Variants in ACACA observed in about 807,000 individuals in gnomAD.
ACACA encodes the protein acetyl-CoA carboxylase 1.
Under a neutral mutation model 296.1 loss-of-function variants are expected in ACACA, and 103 were observed. The ratio of observed to expected loss-of-function variants is 0.35; its 90% CI spans 0.30 to 0.41. The LOEUF (loss-of-function observed/expected upper bound fraction) is 0.41, where lower values mean the gene tolerates loss of function less well. Among genes scored for constraint, ACACA ranks in the 10% least tolerant of loss-of-function variants. The pLI is 1.00. For synonymous variants in ACACA, 953 were observed against 1,038.6 expected (o/e 0.92, Z 1.58); for missense variants, 1,554 against 2,989.7 (o/e 0.52, Z 11.20).
At chr17:37,375,886 A>G (rs2049982148) in intron 1 of ACACA, 1 of 487,846 alleles carries the variant, frequency 2.0e-6, no homozygotes. Flanking sequence ...TGAGTGAATT[A>G]TTAATAAGCA....
chr17:37,217,389 T>C (rs2079056412), intron 29 of ACACA, among the ~76,000 whole-genome samples: 1 of 151,490 alleles, frequency 6.6e-6, no homozygotes, highest in South Asian at 2.1e-4. Context: ...TTTGTCTACT[T>C]CAAAAACACC....
intron 1 of ACACA, among the ~76,000 whole-genome samples, chr17:37,362,291 G>A (rs1014627622): frequency 6.6e-6 from 1 of 152,252 alleles, no homozygotes; most frequent in East Asian, 1.9e-4. Context: ...GACTTCCAGG[G>A]TTTTCAAGGT....
At position 37,085,657 on chromosome 17, in the gene ACACA, C is replaced by T; in HGVS notation, c.*1659G>A. 1 of 399,188 alleles carries T rather than the reference C, an allele frequency of 2.5e-6. No individual in the cohort carries two copies. Among genetic ancestry groups the T allele is most frequent in the Non-Finnish European group, 4.4e-6 (1 of 226,216 alleles). 24.7% of individuals were successfully genotyped at this position (399,188 alleles called of 1,614,324 possible). On this transcript the variant is annotated 3_prime_UTR_variant, in exon 56 of 56. Transcript: ENST00000616317. ...CCACCAGGGCAGCCGGGCTGAGGCT[C>T]TGACTCCTGGGGGCTGTCCGCTCCA...
chr17:37,119,206 C>G (rs1279720571), intron 50 of ACACA, among the ~76,000 whole-genome samples: 6 of 152,148 alleles, frequency 3.9e-5, no homozygotes, highest in African/African-American at 1.4e-4. Context: ...CTTTGATATA[C>G]TACTACCATC....
chr17:37,210,342 G>C, intron 30 of ACACA, 125 bp downstream of exon 30: 1 of 848,654 alleles, frequency 1.2e-6, no homozygotes, highest in East Asian at 2.5e-5. Context: ...CCAAAGGGGA[G>C]CTCAGGACTC....
chr17:37,371,239 C>T (rs1277607660), intron 1 of ACACA, among the ~76,000 whole-genome samples: 1 of 151,694 alleles, frequency 6.6e-6, no homozygotes, highest in Non-Finnish European at 1.5e-5. Context: ...GCCACCATGC[C>T]TGGCTAATTT....
chr17:37,305,480 T>C (rs188615705), intron 3 of ACACA, among the ~76,000 whole-genome samples: 136 of 152,368 alleles, frequency 8.9e-4, no homozygotes, highest in African/African-American at 3.1e-3. Flanking sequence ...AAGGCTTTTA[T>C]CCTCTGTTTA....
intron 3 of ACACA, among the ~76,000 whole-genome samples, chr17:37,311,469 G>A (rs1433599871): frequency 6.6e-6 from 1 of 151,956 alleles, no homozygotes; most frequent in African/African-American, 2.4e-5. Flanking sequence ...AAGAAAAAAT[G>A]AGAAGGAGAA....
intron 1 of ACACA, among the ~76,000 whole-genome samples, chr17:37,405,564 CTTTTT>C (rs1228773911): frequency 1.3e-4 from 19 of 151,942 alleles, no homozygotes; most frequent in Non-Finnish European, 2.8e-4. Flanking sequence ...CTTTTCTTTT[CTTTTT>C]GAGACAGAGT....
chr17:37,396,493 T>A (rs1363035557), intron 1 of ACACA, among the ~76,000 whole-genome samples: 1 of 152,122 alleles, frequency 6.6e-6, no homozygotes, highest in Non-Finnish European at 1.5e-5. Flanking sequence ...GCCATTAACA[T>A]CCTTCCTTTT....
chr17:37,236,241 G>C (rs1021952461), intron 24 of ACACA, among the ~76,000 whole-genome samples: 1 of 151,988 alleles, frequency 6.6e-6, no homozygotes, highest in African/African-American at 2.4e-5. Context: ...AATTATATTT[G>C]AAAAACAATG....
intron 3 of ACACA, among the ~76,000 whole-genome samples, chr17:37,305,766 G>A (rs2083845206): frequency 6.6e-6 from 1 of 152,146 alleles, no homozygotes; most frequent in African/African-American, 2.4e-5. Flanking sequence ...CAGCATCAAA[G>A]CAGCTGGTCT....
intron 3 of ACACA, among the ~76,000 whole-genome samples, chr17:37,288,788 A>T (rs372553741): frequency 1.3e-5 from 2 of 152,066 alleles, no homozygotes; most frequent in Non-Finnish European, 2.9e-5. Context: ...AGTCCCAGCT[A>T]CTTAGGAGGC....
intron 24 of ACACA, among the ~76,000 whole-genome samples, chr17:37,239,667 A>G (rs867591085): frequency 5.9e-4 from 90 of 152,184 alleles, no homozygotes; most frequent in African/African-American, 2.1e-3. Flanking sequence ...ATTTCATGAT[A>G]AATTATATTA....
intron 2 of ACACA, among the ~76,000 whole-genome samples, chr17:37,338,105 A>G (rs2048210044): frequency 7.1e-6 from 1 of 141,710 alleles, no homozygotes; most frequent in South Asian, 2.2e-4. Flanking sequence ...TCAAAAATAA[A>G]ATAAAATAAA....
At chr17:37,376,246 T>G (rs951090784) in intron 1 of ACACA, 2 of 1,032,208 alleles carry the variant, frequency 1.9e-6, no homozygotes, top group African/African-American at 3.1e-5. Context: ...GTAGCTGATA[T>G]CCAGCAAGCA....
intron 3 of ACACA, among the ~76,000 whole-genome samples, chr17:37,307,633 C>T (rs1454455004): frequency 6.6e-6 from 1 of 152,008 alleles, no homozygotes; most frequent in Non-Finnish European, 1.5e-5. Context: ...CTCGCTCTAT[C>T]CCTCAGGCTG....
intron 5 of ACACA, among the ~76,000 whole-genome samples, chr17:37,282,247 G>A (rs2082571306): frequency 6.6e-6 from 1 of 152,152 alleles, no homozygotes; most frequent in African/African-American, 2.4e-5. Flanking sequence ...AATTCTCTGT[G>A]TTGTTCCTGC....
Position 37,268,743 on chromosome 17 carries a change from A to ATCTATCTATC in ACACA, c.1119+2007_1119+2008insGATAGATAGA, listed in dbSNP as rs1260971683. Among the ~76,000 whole-genome samples the ATCTATCTATC allele has an allele frequency of 1.6e-3, 164 of 102,038 alleles. 1 individual carries two copies. The highest frequency in any genetic ancestry group is 0.013 in the East Asian group (45 of 3,378). The allele number at this position is 102,038 out of a possible 152,430, so 66.9% of individuals were successfully genotyped here. On this transcript the variant is annotated intron_variant, in intron 10 of 55. Coordinates refer to ENST00000616317, the MANE Select transcript of ACACA (RefSeq NM_198834.3). ...TATCTATCTATCTATCTATCTATCT[A>ATCTATCTATC]TATATATATATATATATATATATAT...
Sources: gnomAD v4.1 joint callset for allele counts (sites outside exome capture counted in the v4.1 genomes callset) on GRCh38, gnomAD v4.1.1 for gene constraint, MANE v1.5 for transcripts, NCBI Gene and HGNC (gene_info 2026-07-23, HGNC 2026-07-21) for gene names.